The following NEGR1 variants were observed in gnomAD, a reference collection of about 807,000 sequenced individuals.
NEGR1 encodes neuronal growth regulator 1.
NEGR1 carries 10 observed loss-of-function variants against 40.9 expected under a neutral mutation model. The ratio of observed to expected loss-of-function variants is 0.24; its 90% CI spans 0.15 to 0.42. The LOEUF is 0.42. Among genes scored for constraint, NEGR1 ranks in the 10% least tolerant of loss-of-function variants. The probability of loss-of-function intolerance (pLI) is 1.00; values close to 1 mark genes in which losing one functional copy is unlikely to be tolerated. For missense variants in NEGR1, 352 were observed against 438.9 expected, an observed-to-expected ratio of 0.80 and a Z score of 1.77; for synonymous variants, 185 against 166.8, an observed-to-expected ratio of 1.11 and a Z score of -0.84.
chr1:71,997,650 TATA>T (rs567556447), intron 1 of NEGR1, among the ~76,000 whole-genome samples: 5 of 152,134 alleles, frequency 3.3e-5, no homozygotes, highest in African/African-American at 1.2e-4. Context: ...TAGTACCTTG[TATA>T]ACTAAGACTC....
chr1:72,244,289 T>C (rs141187110), intron 1 of NEGR1, among the ~76,000 whole-genome samples: 90 of 152,004 alleles, frequency 5.9e-4, no homozygotes, highest in African/African-American at 2.0e-3. Context: ...AGGTCAACTA[T>C]CGAAGAAATT....
At chr1:71,782,980 T>C (rs1480032000) in intron 2 of NEGR1, among the ~76,000 whole-genome samples, 2 of 151,058 alleles carry the variant, frequency 1.3e-5, no homozygotes, top group African/African-American at 2.5e-5. Context: ...CCCATGTGAG[T>C]TGGTCTCAGT....
At chr1:71,895,022 G>A (rs1334495666) in intron 2 of NEGR1, among the ~76,000 whole-genome samples, 1 of 152,096 alleles carries the variant, frequency 6.6e-6, no homozygotes, top group Non-Finnish European at 1.5e-5. Flanking sequence ...TAAGCAGTCT[G>A]TAGGCATACC....
intron 6 of NEGR1, among the ~76,000 whole-genome samples, chr1:71,564,360 A>T (rs1648553241): frequency 6.6e-6 from 1 of 152,124 alleles, no homozygotes; most frequent in African/African-American, 2.4e-5. Flanking sequence ...AATCATACAT[A>T]TGTTAAGTAG....
At chr1:71,880,932 C>T (rs1392708292) in intron 2 of NEGR1, among the ~76,000 whole-genome samples, 3 of 151,866 alleles carry the variant, frequency 2.0e-5, no homozygotes, top group African/African-American at 7.3e-5. Context: ...TGAAGTTTCA[C>T]GAGAATGATA....
intron 3 of NEGR1, among the ~76,000 whole-genome samples, chr1:71,699,044 T>C (rs1653588969): frequency 6.6e-6 from 1 of 151,846 alleles, no homozygotes; most frequent in East Asian, 1.9e-4. Flanking sequence ...TGCACAGGCC[T>C]TGAAAAAAAT....
At chr1:72,136,427 A>T (rs1323249329) in intron 1 of NEGR1, among the ~76,000 whole-genome samples, 1 of 151,990 alleles carries the variant, frequency 6.6e-6, no homozygotes, top group African/African-American at 2.4e-5. Context: ...GAAATAATTT[A>T]AAATAATGAA....
intron 6 of NEGR1, among the ~76,000 whole-genome samples, chr1:71,571,435 A>G (rs979667815): frequency 1.6e-4 from 25 of 152,224 alleles, no homozygotes; most frequent in African/African-American, 6.0e-4. Flanking sequence ...GCCAAGATGC[A>G]AGTCAAACAA....
chr1:71,954,502 C>T lies in NEGR1; in HGVS notation c.177-19191G>A, dbSNP rs182138727. 3.5e-3 allele frequency among the ~76,000 whole-genome samples: 525 copies of T among 151,878 alleles called. 2 individuals are homozygous for T. Among genetic ancestry groups the T allele is most frequent in the African/African-American group, 0.012 (498 of 41,432 alleles). ...GAATTTAAATTATCATAGTAACCCT[C>T]TGAAGTATATATTATTATCCCATTC... is the stretch of plus-strand genomic sequence containing the variant. On this transcript the variant is annotated intron_variant, in intron 1 of 6. Transcript: ENST00000357731.
At chr1:71,808,272 C>T (rs561278135) in intron 2 of NEGR1, among the ~76,000 whole-genome samples, 4 of 152,296 alleles carry the variant, frequency 2.6e-5, no homozygotes, top group African/African-American at 9.6e-5. Context: ...TTATGAATTT[C>T]ACTATCACTT....
chr1:71,905,076 C>A (rs1305866431), intron 2 of NEGR1, among the ~76,000 whole-genome samples: 2 of 152,010 alleles, frequency 1.3e-5, no homozygotes, highest in Non-Finnish European at 2.9e-5. Flanking sequence ...CATTTTTCCC[C>A]CTCAATATGT....
rs565120680 is a variant in NEGR1, at chr1:72,137,305, T to C, written c.176+145014A>G. Among the ~76,000 whole-genome samples, 16 of 152,242 alleles carry C rather than the reference T, an allele frequency of 1.1e-4. No individual in the cohort carries two copies. In the East Asian group the frequency reaches 2.1e-3, roughly 20 times the overall value. On this transcript the variant is annotated intron_variant, in intron 1 of 6. Coordinates refer to ENST00000357731, the MANE Select transcript of NEGR1 (RefSeq NM_173808.3). ...TAAAGACACATGCACAGTATGTTTA[T>C]TGCAGCACTGTTCACAATAGAAAAG...
At chr1:72,086,669 T>C (rs1232494898) in intron 1 of NEGR1, among the ~76,000 whole-genome samples, 1 of 152,236 alleles carries the variant, frequency 6.6e-6, no homozygotes, top group Non-Finnish European at 1.5e-5. Context: ...TGGTTTCCTT[T>C]ATAATAAGTG....
chr1:71,575,524 C>T (rs1648935190), intron 6 of NEGR1, among the ~76,000 whole-genome samples: 1 of 152,208 alleles, frequency 6.6e-6, no homozygotes, highest in African/African-American at 2.4e-5. Flanking sequence ...TGGCTCATGC[C>T]TGTAATCCCA....
intron 1 of NEGR1, among the ~76,000 whole-genome samples, chr1:72,231,339 A>G (rs552731112): frequency 6.6e-6 from 1 of 152,220 alleles, no homozygotes; most frequent in South Asian, 2.1e-4. Flanking sequence ...GATTAAGAGG[A>G]CAAACTCTGA....
chr1:71,989,208 A>T (rs1411225221), intron 1 of NEGR1, among the ~76,000 whole-genome samples: 1 of 152,210 alleles, frequency 6.6e-6, no homozygotes, highest in African/African-American at 2.4e-5. Context: ...CTGATCCTGC[A>T]GGAGTGTACA....
At chr1:72,065,943 A>C (rs1351786711) in intron 1 of NEGR1, among the ~76,000 whole-genome samples, 1 of 152,082 alleles carries the variant, frequency 6.6e-6, no homozygotes, top group African/African-American at 2.4e-5. Context: ...ACAAACCAAG[A>C]AAGCCTGAGA....
intron 1 of NEGR1, among the ~76,000 whole-genome samples, chr1:72,145,280 T>C (rs1650864363): frequency 6.6e-6 from 1 of 152,130 alleles, no homozygotes; most frequent in Non-Finnish European, 1.5e-5. Flanking sequence ...GAGTCAACTA[T>C]CATTTCTATT....
intron 4 of NEGR1, among the ~76,000 whole-genome samples, chr1:71,631,543 C>T (rs1208519655): frequency 1.3e-5 from 2 of 151,764 alleles, no homozygotes; most frequent in African/African-American, 4.8e-5. Flanking sequence ...ATATTAAAAT[C>T]ACAAATAGCT....
Sources: gnomAD v4.1 joint callset for allele counts (sites outside exome capture counted in the v4.1 genomes callset) on GRCh38, gnomAD v4.1.1 for gene constraint, MANE v1.5 for transcripts, NCBI Gene and HGNC (gene_info 2026-07-23, HGNC 2026-07-21) for gene names.